Variants in WWTR1 observed in about 807,000 individuals in gnomAD.
WWTR1 encodes WW domain-containing transcription regulator protein 1.
WWTR1 carries 13 observed loss-of-function variants against 40.1 expected under a neutral mutation model. The ratio of observed to expected loss-of-function variants is 0.32; its 90% confidence interval spans 0.21 to 0.52. The LOEUF (loss-of-function observed/expected upper bound fraction) is 0.52, where lower values mean the gene tolerates loss of function less well. Ranked by LOEUF, WWTR1 falls within the 20% of genes least tolerant of loss-of-function variation. The pLI is 0.97. For synonymous variants in WWTR1, 230 were observed against 210.1 expected, an observed-to-expected ratio of 1.09 and a Z score of -0.82; for missense variants, 436 against 523.1, an observed-to-expected ratio of 0.83 and a Z score of 1.63.
At chr3:149,549,951 T>C (rs986952731) in intron 3 of WWTR1, among the ~76,000 whole-genome samples, 22 of 152,192 alleles carry the variant, frequency 1.4e-4, no homozygotes, top group Non-Finnish European at 8.8e-5. Flanking sequence ...GAAATCTGAA[T>C]AAAGTATGGA....
chr3:149,589,665 G>C (rs1738604772), intron 2 of WWTR1, among the ~76,000 whole-genome samples: 1 of 148,768 alleles, frequency 6.7e-6, no homozygotes, highest in African/African-American at 2.5e-5. Context: ...TTTTTTAATG[G>C]TGTTAAAATG....
intron 2 of WWTR1, among the ~76,000 whole-genome samples, chr3:149,575,114 G>A (rs1464504256): frequency 6.6e-6 from 1 of 152,006 alleles, no homozygotes; most frequent in African/African-American, 2.4e-5. Flanking sequence ...AAAAGATGGG[G>A]AAATACTGAA....
At chr3:149,617,214 C>T (rs1456063194) in intron 2 of WWTR1, among the ~76,000 whole-genome samples, 1 of 152,146 alleles carries the variant, frequency 6.6e-6, no homozygotes, top group African/African-American at 2.4e-5. Context: ...TTGAGGGTCT[C>T]CTGGGGACCA....
At position 149,517,455 on chromosome 3, in the gene WWTR1, T is replaced by C. The variant is rs1452170208; in HGVS notation, c.*3350A>G. ...ATATATGTGTTAGGAAAATGGTCTC[T>C]GTCAATTGCCCATTTTCCCAATTAA... On this transcript the variant is annotated 3_prime_UTR_variant, in exon 7 of 7. Transcript: ENST00000360632. The C allele has an allele frequency of 6.6e-6, 1 of 152,256 alleles. No homozygotes were observed. The highest frequency in any genetic ancestry group is 1.5e-5 in the Non-Finnish European group (1 of 68,046). The allele number at this position is 152,256 out of a possible 1,614,324, so 9.4% of individuals were successfully genotyped here.
At chr3:149,540,977 G>T (rs1339044164) in intron 4 of WWTR1, 5 of 450,406 alleles carry the variant, frequency 1.1e-5, no homozygotes, top group Non-Finnish European at 2.2e-5. Flanking sequence ...GTGTATTTTT[G>T]AAAGTATCAA....
intron 2 of WWTR1, among the ~76,000 whole-genome samples, chr3:149,634,870 C>T (rs774993895): frequency 1.1e-4 from 17 of 152,228 alleles, no homozygotes; most frequent in African/African-American, 2.2e-4. Context: ...GACCCGGCCA[C>T]GGTATATCCT....
intron 1 of WWTR1, among the ~76,000 whole-genome samples, chr3:149,697,830 T>C (rs1451894747): frequency 6.6e-6 from 1 of 152,194 alleles, no homozygotes; most frequent in African/African-American, 2.4e-5. Flanking sequence ...GATACAGTGG[T>C]AGTACAGGCA....
intron 2 of WWTR1, among the ~76,000 whole-genome samples, chr3:149,606,793 T>G (rs973045551): frequency 4.2e-4 from 64 of 152,306 alleles, no homozygotes; most frequent in African/African-American, 1.5e-3. Context: ...GAGAAGACCT[T>G]TCAAGTTGAG....
chr3:149,561,673 GTA>G (rs1477859145), intron 3 of WWTR1, among the ~76,000 whole-genome samples: 4 of 152,224 alleles, frequency 2.6e-5, no homozygotes, highest in Non-Finnish European at 2.9e-5. Context: ...GTTAAACCAA[GTA>G]CAGTATCTCA....
chr3:149,572,784 C>A, intron 3 of WWTR1, 80 bp downstream of exon 3: 3 of 1,527,638 alleles, frequency 2.0e-6, no homozygotes, highest in Non-Finnish European at 1.8e-6. Context: ...GAGTTCAACA[C>A]CAGCCTGGGC....
chr3:149,660,457 T>C (rs1713521021), upstream of WWTR1: 1 of 152,172 alleles, frequency 6.6e-6, no homozygotes, highest in Non-Finnish European at 1.5e-5. Flanking sequence ...GAAACGGAAA[T>C]TGCCCTTAAC....
chr3:149,715,338 C>T (rs542778565), intron 5 of WWTR1, among the ~76,000 whole-genome samples: 37 of 152,216 alleles, frequency 2.4e-4, no homozygotes, highest in Non-Finnish European at 5.1e-4. Flanking sequence ...TTCTGGGTGT[C>T]AAGCTTCTGG....
intron 2 of WWTR1, among the ~76,000 whole-genome samples, chr3:149,620,570 C>CG (rs1553799938): frequency 1.3e-5 from 2 of 150,498 alleles, no homozygotes; most frequent in South Asian, 2.1e-4. Flanking sequence ...CCGCTCCCCC[C>CG]CACACACACA....
At chr3:149,540,317 G>T (rs1736035339) in intron 4 of WWTR1, 1 of 455,460 alleles carries the variant, frequency 2.2e-6, no homozygotes, top group Non-Finnish European at 4.4e-6. Flanking sequence ...ACTACATCCT[G>T]GTTCAAAGGC....
chr3:149,599,149 A>G (rs1739132963), intron 2 of WWTR1, among the ~76,000 whole-genome samples: 1 of 152,222 alleles, frequency 6.6e-6, no homozygotes, highest in African/African-American at 2.4e-5. Context: ...TCTGCATAGT[A>G]CTGACTTGTA....
At chr3:149,644,619 G>C (rs1304289115) in intron 2 of WWTR1, among the ~76,000 whole-genome samples, 1 of 152,138 alleles carries the variant, frequency 6.6e-6, no homozygotes, top group African/African-American at 2.4e-5. Flanking sequence ...ACTCTACCCG[G>C]TCCTGAGGTT....
chr3:149,665,487 A>T (rs73155035), intron 2 of WWTR1, among the ~76,000 whole-genome samples: 51,106 of 151,896 alleles, frequency 0.34, 9,546 homozygotes, highest in Middle Eastern at 0.53. Context: ...AGCCTCCCAA[A>T]GTGCTGGGAT....
At chr3:149,608,916 A>G (rs540541916) in intron 2 of WWTR1, among the ~76,000 whole-genome samples, 125 of 151,954 alleles carry the variant, frequency 8.2e-4, no homozygotes, top group Non-Finnish European at 1.6e-3. Flanking sequence ...AAATAATACA[A>G]AAATTAGTGA....
upstream of WWTR1, among the ~76,000 whole-genome samples, chr3:149,660,549 C>T (rs1713524222): frequency 6.6e-6 from 1 of 152,218 alleles, no homozygotes; most frequent in Non-Finnish European, 1.5e-5. Context: ...GCTGTTGTCC[C>T]AGCCATTCCA....
Sources: allele counts gnomAD v4.1 joint callset (sites outside exome capture counted in the v4.1 genomes callset), GRCh38; gene constraint gnomAD v4.1.1; transcripts MANE v1.5; gene names NCBI Gene and HGNC (gene_info 2026-07-23, HGNC 2026-07-21).